USH2A: variants seen among roughly 807,000 people sequenced by gnomAD.
USH2A encodes Usher syndrome 2A (autosomal recessive, mild).
A neutral mutation model predicts 538.9 loss-of-function variants in USH2A; 443 were observed. The observed-to-expected ratio is 0.82, with a 90% CI of 0.76 to 0.89. The LOEUF (loss-of-function observed/expected upper bound fraction) is 0.89. Ranked by LOEUF, USH2A falls within the 40% of genes least tolerant of loss-of-function variation. USH2A has a pLI of 0.00. For missense variants in USH2A, 6,633 were observed against 6,324.8 expected, an observed-to-expected ratio of 1.05 and a Z score of -1.65; for synonymous variants, 2,413 against 2,273.5, an observed-to-expected ratio of 1.06 and a Z score of -1.75.
intron 47 of USH2A, among the ~76,000 whole-genome samples, chr1:215,819,206 T>A (rs976969740): frequency 1.8e-4 from 28 of 151,862 alleles, no homozygotes; most frequent in Admixed American, 9.9e-4. Context: ...TCACAACTTA[T>A]GTTGGATGCT....
At chr1:216,285,567 C>T (rs971731071) in intron 11 of USH2A, among the ~76,000 whole-genome samples, 4 of 152,238 alleles carry the variant, frequency 2.6e-5, no homozygotes, top group Admixed American at 1.3e-4. Context: ...ACAGAGTCCC[C>T]ACTGGGGTAC....
At chr1:215,805,583 A>G (rs987474246) in intron 49 of USH2A, among the ~76,000 whole-genome samples, 1 of 152,066 alleles carries the variant, frequency 6.6e-6, no homozygotes, top group Non-Finnish European at 1.5e-5. Context: ...TAAAATGATA[A>G]ATTTTATGTG....
At chr1:215,725,043 C>CT (rs1217979842) in intron 61 of USH2A, among the ~76,000 whole-genome samples, 1 of 151,932 alleles carries the variant, frequency 6.6e-6, no homozygotes, top group African/African-American at 2.4e-5. Context: ...ACTTCCTTTA[C>CT]TTTTTTTTGA....
intron 64 of USH2A, among the ~76,000 whole-genome samples, chr1:215,660,938 C>A (rs913866778): frequency 6.6e-6 from 1 of 152,100 alleles, no homozygotes; most frequent in African/African-American, 2.4e-5. Flanking sequence ...TTTTTGTTTC[C>A]ACCTGCAGAT....
intron 63 of USH2A, 107 bp downstream of exon 63, chr1:215,673,993 C>A: frequency 6.3e-7 from 1 of 1,590,228 alleles, no homozygotes; most frequent in Non-Finnish European, 8.6e-7. Flanking sequence ...AGGTTGGGGA[C>A]ACCTTGCATC....
chr1:216,196,460 G>A (rs2034846107), intron 19 of USH2A, 93 bp downstream of exon 19: 2 of 1,399,130 alleles, frequency 1.4e-6, no homozygotes, highest in South Asian at 1.2e-5. Flanking sequence ...AATATAGAGG[G>A]AGAATTCTGT....
chr1:215,885,114 T>C (rs1665012943), intron 41 of USH2A, among the ~76,000 whole-genome samples: 1 of 152,164 alleles, frequency 6.6e-6, no homozygotes, highest in Non-Finnish European at 1.5e-5. Context: ...AGTACAGCAG[T>C]TTATACATTG....
At chr1:215,758,153 G>C (rs562946941) in intron 58 of USH2A, among the ~76,000 whole-genome samples, 9 of 152,150 alleles carry the variant, frequency 5.9e-5, no homozygotes, top group African/African-American at 1.9e-4. Context: ...GGGCATGGTG[G>C]CATATGCTTG....
At chr1:215,783,404 G>C (rs17622448) in intron 52 of USH2A, among the ~76,000 whole-genome samples, 2,631 of 152,184 alleles carry the variant, frequency 0.017, 37 homozygotes, top group Non-Finnish European at 0.024. Context: ...CAATATACAG[G>C]ATTTGAAACT....
intron 35 of USH2A, among the ~76,000 whole-genome samples, chr1:215,975,782 T>G (rs947111266): frequency 2.6e-5 from 4 of 152,196 alleles, no homozygotes; most frequent in Admixed American, 2.0e-4. Flanking sequence ...TGTGTAGAAT[T>G]GCTTTGGCTC....
chr1:215,853,082 C>T (rs1034938725), intron 44 of USH2A, among the ~76,000 whole-genome samples: 3 of 152,236 alleles, frequency 2.0e-5, no homozygotes, highest in Non-Finnish European at 4.4e-5. Context: ...GCTGCCCCAA[C>T]ATAGGTTTTC....
chr1:216,181,545 C>A (rs2102646939), intron 20 of USH2A, among the ~76,000 whole-genome samples: 1 of 152,186 alleles, frequency 6.6e-6, no homozygotes, highest in Non-Finnish European at 1.5e-5. Flanking sequence ...ACTACCTTAA[C>A]CAGTTATTGT....
chr1:215,885,206 T>C (rs939472939), intron 41 of USH2A, among the ~76,000 whole-genome samples: 1 of 151,174 alleles, frequency 6.6e-6, no homozygotes, highest in Non-Finnish European at 1.5e-5. Context: ...ATTGTATGCC[T>C]TTTTTTCTGC....
rs562519585 is a variant in USH2A at position 215,986,979 on chromosome 1, A to G, written c.6805+6041T>C. On this transcript the variant is annotated intron_variant, in intron 35 of 71. Transcript: ENST00000307340. ...GGTCGATTTACTTAGGTAAAGATAG[A>G]GGTTAGTTACAAGGAATTATAGCTA... Among the ~76,000 whole-genome samples, 3 of 152,342 alleles carry G rather than the reference A, an allele frequency of 2.0e-5. No individual in the cohort carries two copies. The South Asian group carries it at 6.2e-4, about 32-fold the overall frequency.
At chr1:215,900,364 A>G in intron 39 of USH2A, 147 bp from the exon 40 acceptor site, 1 of 912,334 alleles carries the variant, frequency 1.1e-6, no homozygotes, top group South Asian at 1.5e-5. Context: ...ATCTCTTTTA[A>G]AATAAGTAGC....
chr1:216,111,943 T>C (rs1306337771), intron 21 of USH2A, among the ~76,000 whole-genome samples: 1 of 151,864 alleles, frequency 6.6e-6, no homozygotes, highest in Non-Finnish European at 1.5e-5. Context: ...AAAAGTTCAT[T>C]TTCATATGGA....
At chr1:216,011,254 T>C (rs1020185486) in intron 32 of USH2A, among the ~76,000 whole-genome samples, 14 of 152,128 alleles carry the variant, frequency 9.2e-5, no homozygotes, top group Non-Finnish European at 1.8e-4. Flanking sequence ...ATCTCAAATA[T>C]GCTTTCTTTA....
intron 47 of USH2A, among the ~76,000 whole-genome samples, chr1:215,836,488 T>TAATATATATAA (rs1553267731): frequency 4.8e-5 from 1 of 20,810 alleles, no homozygotes; most frequent in Non-Finnish European, 8.9e-5. Flanking sequence ...ATAATATATA[T>TAATATATATAA]TATATATATA....
At chr1:215,799,224 A>T in intron 49 of USH2A, 99 bp from the exon 50 acceptor site, 1 of 1,300,428 alleles carries the variant, frequency 7.7e-7, no homozygotes. Context: ...ATCCCAACTG[A>T]TTGACAGAAT....
Sources: gnomAD v4.1 joint callset for allele counts (sites outside exome capture counted in the v4.1 genomes callset) on GRCh38, gnomAD v4.1.1 for gene constraint, MANE v1.5 for transcripts, NCBI Gene and HGNC (gene_info 2026-07-23, HGNC 2026-07-21) for gene names.